Variants in SMG7 observed in about 807,000 individuals in gnomAD.
The protein encoded by SMG7 is SMG7 nonsense mediated mRNA decay factor.
Under a neutral mutation model 148.2 loss-of-function variants are expected in SMG7, and 34 were observed. That is an observed-to-expected ratio of 0.23 (90% CI 0.17 to 0.31). The LOEUF (loss-of-function observed/expected upper bound fraction) is 0.31, where lower values mean the gene tolerates loss of function less well. Ranked by LOEUF, SMG7 falls within the 10% of genes least tolerant of loss-of-function variation. The probability of loss-of-function intolerance (pLI) is 1.00; values close to 1 mark genes in which losing one functional copy is unlikely to be tolerated. For missense variants in SMG7, 1,114 were observed against 1,408.4 expected, an observed-to-expected ratio of 0.79 and a Z score of 3.35; for synonymous variants, 492 against 515.1, an observed-to-expected ratio of 0.96 and a Z score of 0.61.
chr1:183,496,483 A>T (rs900263715), intron 1 of SMG7, among the ~76,000 whole-genome samples: 1 of 152,224 alleles, frequency 6.6e-6, no homozygotes, highest in Admixed American at 6.5e-5. Context: ...ATTCAATTTT[A>T]ACCTCAGTTC....
In SMG7 at chr1:183,542,927, A is replaced by ATGTG. The variant is rs3979479; in HGVS notation, c.1842+465_1842+468dup. Among the ~76,000 whole-genome samples, 154 of 85,136 alleles carry ATGTG rather than the reference A, an allele frequency of 1.8e-3. 1 individual carries two copies. The highest frequency in any genetic ancestry group is 4.7e-3 in the African/African-American group (127 of 26,760). 55.9% of individuals were successfully genotyped at this position (85,136 alleles called of 152,430 possible). On this transcript the variant is annotated intron_variant, in intron 14 of 22. Transcript: ENST00000688051. ...TTTAGATTCACTATAATATATATAT[A>ATGTG]TGTGTGTGTGTGTGTGTGTGTGTGT...
At chr1:183,496,848 CT>C (rs1350518632) in intron 1 of SMG7, among the ~76,000 whole-genome samples, 24 of 152,286 alleles carry the variant, frequency 1.6e-4, no homozygotes, top group African/African-American at 5.8e-4. Flanking sequence ...CAAAAAAAAT[CT>C]TAGAATGTTT....
intron 1 of SMG7, among the ~76,000 whole-genome samples, chr1:183,479,713 AAAAG>A (rs1653603745): frequency 6.6e-6 from 1 of 152,208 alleles, no homozygotes; most frequent in South Asian, 2.1e-4. Context: ...TTGGCAAATT[AAAAG>A]AAAGACATTT....
At chr1:183,512,244 C>T (rs1662309174) in intron 1 of SMG7, among the ~76,000 whole-genome samples, 3 of 152,284 alleles carry the variant, frequency 2.0e-5, no homozygotes, top group Middle Eastern at 6.8e-3. Flanking sequence ...TTAGCAAGAA[C>T]ATACCTAAGT....
rs891448690 is a variant in SMG7, at chr1:183,527,574, A to G, written c.485-382A>G. On this transcript the variant is annotated intron_variant, in intron 5 of 22. Coordinates refer to ENST00000688051, the MANE Select transcript of SMG7 (RefSeq NM_001375584.1). This position sits in a 1 kb window ranked among gnomAD's most constrained non-coding sequence, Gnocchi z 4.0. ...CACTTTATAAAATATTGAAAAATAC[A>G]TAATTTTCAGATCATATTGTATAGT... is the stretch of plus-strand genomic sequence containing the variant. 4 of 458,068 alleles carry G rather than the reference A, an allele frequency of 8.7e-6. No individual in the cohort carries two copies. Among genetic ancestry groups the G allele is most frequent in the African/African-American group, 4.0e-5 (2 of 49,466 alleles). 28.4% of individuals were successfully genotyped at this position (458,068 alleles called of 1,614,324 possible). A position where few individuals can be genotyped will look rare whatever the true frequency, so the allele number is the denominator to read the frequency against.
chr1:183,550,068 G>T, intron 20 of SMG7, 145 bp downstream of exon 20: 2 of 606,740 alleles, frequency 3.3e-6, no homozygotes, highest in Non-Finnish European at 5.3e-6. Context: ...CTTCTGAAAG[G>T]AAATAGAAAA....
intron 1 of SMG7, among the ~76,000 whole-genome samples, chr1:183,501,645 G>A (rs941393795): frequency 8.5e-5 from 13 of 152,076 alleles, no homozygotes; most frequent in African/African-American, 2.9e-4. Flanking sequence ...AACCACTGCC[G>A]CCTCCTTCCT....
At position 183,553,326 on chromosome 1, in the gene SMG7, C is replaced by G; in HGVS notation, c.*1395C>G. 9.7e-7 allele frequency: 1 copy of G among 1,032,598 alleles called. No homozygotes were observed. Among genetic ancestry groups the G allele is most frequent in the Non-Finnish European group, 1.4e-6 (1 of 729,024 alleles). The allele number at this position is 1,032,598 out of a possible 1,614,324, so 64.0% of individuals were successfully genotyped here. ...ATATTTTAAGGGGAAATTATGGAAA[C>G]AATCTAATTGTTCAATTGCTGTGCT... On this transcript the variant is annotated 3_prime_UTR_variant, in exon 23 of 23. Transcript: ENST00000688051.
At chr1:183,529,602 A>G in intron 8 of SMG7, 69 bp downstream of exon 8, 2 of 1,320,608 alleles carry the variant, frequency 1.5e-6, no homozygotes, top group Non-Finnish European at 2.1e-6. Flanking sequence ...GAGGAAACTG[A>G]CTCCCAGTTT....
Position 183,529,383 on chromosome 1 carries a change from T to C in SMG7, c.708-15T>C, listed in dbSNP as rs1666466785. ...TGCTGCTTATGATTCATGGAATTTT[T>C]TTCTTTCATTTCAGCCGAGATGAGG... On this transcript the variant is annotated splice_polypyrimidine_tract_variant and intron_variant, in intron 7 of 22. Coordinates refer to ENST00000688051, the MANE Select transcript of SMG7 (RefSeq NM_001375584.1). 6.2e-7 allele frequency: 1 copy of C among 1,604,462 alleles called. No homozygotes were observed. Among genetic ancestry groups the C allele is most frequent in the Non-Finnish European group, 8.5e-7 (1 of 1,177,230 alleles).
At position 183,553,638 on chromosome 1, in the gene SMG7, G is replaced by T; in HGVS notation, c.*1707G>T. 1 of 149,610 alleles carries T rather than the reference G, an allele frequency of 6.7e-6. No homozygotes were observed. Among genetic ancestry groups the T allele is most frequent in the Admixed American group, 7.5e-5 (1 of 13,348 alleles). 9.3% of individuals were successfully genotyped at this position (149,610 alleles called of 1,614,324 possible). A position where few individuals can be genotyped will look rare whatever the true frequency, so the allele number is the denominator to read the frequency against. On this transcript the variant is annotated 3_prime_UTR_variant, in exon 23 of 23. Transcript: ENST00000688051. ...CCCCGCCCCGTATGCTTACATTATT[G>T]CTCTTTTAGTTTGACATGGTGTTTG...
At chr1:183,545,557 A>T (rs1027696636) in intron 16 of SMG7, among the ~76,000 whole-genome samples, 1 of 152,186 alleles carries the variant, frequency 6.6e-6, no homozygotes, top group Non-Finnish European at 1.5e-5. Flanking sequence ...ATTTTATTGA[A>T]AATGGATTTT....
chr1:183,534,556 T>A (rs1339828426), intron 10 of SMG7, among the ~76,000 whole-genome samples: 1 of 152,314 alleles, frequency 6.6e-6, no homozygotes, highest in African/African-American at 2.4e-5. Flanking sequence ...ATGCCTTTTT[T>A]AAGCCACATT....
chr1:183,542,087 G>A lies in SMG7; in HGVS notation c.1427G>A (p.Cys476Tyr), dbSNP rs1464718778. The stretch of plus-strand genomic sequence containing the variant: ...TTTTGCTTTTTTAGGCTGATTCAGT[G>A]TGAAAATGAGGTAGGGAAATTGTTG... The part of the protein sequence containing the change: ...IADNQPRLIQ[C>Y]ENEVGKLLFI... Residue 476 changes from cysteine to tyrosine, a missense_variant, in exon 14 of 23, where the codon TGT (cysteine) becomes TAT (tyrosine). This residue lies in a region of SMG7 where 788 missense variants were observed against 894.5 expected (regional missense o/e 0.88). Coordinates refer to ENST00000688051, the MANE Select transcript of SMG7 (RefSeq NM_001375584.1). 6.2e-7 allele frequency: 1 copy of A among 1,609,362 alleles called. No homozygotes were observed. The highest frequency in any genetic ancestry group is 1.7e-5 in the Admixed American group (1 of 59,562).
At chr1:183,538,964 T>G (rs1030723497) in intron 12 of SMG7, among the ~76,000 whole-genome samples, 1 of 151,662 alleles carries the variant, frequency 6.6e-6, no homozygotes, top group Non-Finnish European at 1.5e-5. Flanking sequence ...GCTAACCCGG[T>G]GAAACCCCGT....
chr1:183,510,627 AT>A (rs1364286623), intron 1 of SMG7, among the ~76,000 whole-genome samples: 1 of 152,172 alleles, frequency 6.6e-6, no homozygotes, highest in Non-Finnish European at 1.5e-5. Flanking sequence ...AGATGTAAAT[AT>A]CTTTTAAAGG....
chr1:183,521,910 CA>C (rs1203256908), intron 4 of SMG7, among the ~76,000 whole-genome samples: 1 of 150,372 alleles, frequency 6.7e-6, no homozygotes, highest in East Asian at 1.9e-4. Flanking sequence ...GGAAAGTAAG[CA>C]AAGGAAGAAC....
At position 183,545,079 on chromosome 1, in the gene SMG7, C is replaced by T; in HGVS notation, c.2137C>T (p.Gln713Ter). The T allele has an allele frequency of 6.2e-7, 1 of 1,614,102 alleles. No individual in the cohort carries two copies. The highest frequency in any genetic ancestry group is 8.5e-7 in the Non-Finnish European group (1 of 1,180,008). The change falls in exon 16 of 23, where the codon CAG becomes TAG. Residue 713 changes from glutamine to a stop codon, truncating the protein, a stop_gained. Transcript: ENST00000688051. LOFTEE classifies it high-confidence loss of function. The stretch of plus-strand genomic sequence containing the variant: ...AGGAAACCAGGTGCAAGCTGGGAAA[C>T]AGTCCCACATTCCTTACAGCCAGCA... ...PAGNQVQAGK[Q>*]SHIPYSQQRP...
chr1:183,537,222 G>T lies in SMG7; in HGVS notation c.1234+7G>T, dbSNP rs779639065. ...GACCTCTCAAGTATTAGTGGTAAGG[G>T]CTACCCTAACCTTGTGTTGTTGATG... On this transcript the variant is annotated splice_region_variant and intron_variant, in intron 11 of 22. Transcript: ENST00000688051. 2 of 1,598,180 alleles carry T rather than the reference G, an allele frequency of 1.3e-6. No homozygotes were observed. Among genetic ancestry groups the T allele is most frequent in the African/African-American group, 2.7e-5 (2 of 74,734 alleles).
Sources: allele counts gnomAD v4.1 joint callset (sites outside exome capture counted in the v4.1 genomes callset), GRCh38; gene constraint gnomAD v4.1.1; regional missense constraint gnomAD v4.1.1; non-coding constraint Gnocchi (gnomAD v3.1); transcripts MANE v1.5; gene names NCBI Gene and HGNC (gene_info 2026-07-23, HGNC 2026-07-21).